Variants in CCDC40 observed in about 807,000 individuals in gnomAD.
The protein encoded by CCDC40 is coiled-coil domain-containing protein 40.
A neutral mutation model predicts 124.5 loss-of-function variants in CCDC40; 104 were observed. The ratio of observed to expected loss-of-function variants is 0.84; its 90% confidence interval spans 0.71 to 0.98. CCDC40 has a LOEUF of 0.98. CCDC40 is among the 50% of genes least tolerant of loss of function. The pLI, the probability that CCDC40 is intolerant of heterozygous loss-of-function variation, is 0.00. For missense variants in CCDC40, 1,463 were observed against 1,503.9 expected (o/e 0.97, Z 0.45); for synonymous variants, 580 against 602.9 (o/e 0.96, Z 0.56).
intron 17 of CCDC40, chr17:80,090,486 C>A: frequency 6.6e-7 from 1 of 1,511,550 alleles, no homozygotes; most frequent in Non-Finnish European, 8.8e-7. Context: ...CACACAAGCA[C>A]GTGCATGTCA....
chr17:80,087,654 A>G lies in CCDC40; in HGVS notation c.2497A>G (p.Met833Val), dbSNP rs376911979. ...KKEQKEIEHH[M>V]KDLDNDLKKL... Reference sequence around the variant, plus strand: ...GGAGCAGAAGGAGATCGAGCACCACATGAAGGACCTGGACAACGACCTGAA... The same window carrying G: ...GGAGCAGAAGGAGATCGAGCACCACGTGAAGGACCTGGACAACGACCTGAA... The change falls in exon 15 of 20, where the codon ATG becomes GTG. Residue 833 changes from methionine (M) to valine (V), a missense_variant. Physicochemically the swap from Met to Val is conservative, Grantham distance 21. Transcript: ENST00000397545. The surrounding 1 kb of genome is among the most constrained non-coding windows in gnomAD (Gnocchi z 4.5). The G allele has an allele frequency of 4.1e-5, 66 of 1,614,130 alleles. No homozygotes were observed. In the South Asian group the frequency reaches 6.6e-4, roughly 16 times the overall value.
intron 12 of CCDC40, among the ~76,000 whole-genome samples, chr17:80,082,872 G>A (rs904530661): frequency 5.3e-5 from 8 of 152,206 alleles, no homozygotes; most frequent in African/African-American, 9.6e-5. Context: ...CAACACATTC[G>A]TCTATTACGA....
At chr17:80,085,039 T>G (rs1598539056) in intron 13 of CCDC40, 51 bp downstream of exon 13, 1 of 1,603,894 alleles carries the variant, frequency 6.2e-7, no homozygotes, top group Non-Finnish European at 8.5e-7. Context: ...TGGTGCCTGG[T>G]GGGGCAGAGC....
chr17:80,056,010 A>ATTTTT (rs1326886577), intron 7 of CCDC40, among the ~76,000 whole-genome samples: 740 of 13,680 alleles, frequency 0.054, 71 homozygotes, highest in Middle Eastern at 0.12. Flanking sequence ...ATATATATAT[A>ATTTTT]TATATATTTT....
rs569414260 is a variant in CCDC40 at position 80,087,534 on chromosome 17, G to C, written c.2450-73G>C. 15 of 1,265,110 alleles carry C rather than the reference G, an allele frequency of 1.2e-5. No individual in the cohort carries two copies. The highest frequency in any genetic ancestry group is 1.8e-5 in the Admixed American group (1 of 54,992). 78.4% of individuals were successfully genotyped at this position (1,265,110 alleles called of 1,614,324 possible). On this transcript the variant is annotated intron_variant, in intron 14 of 19. Transcript: ENST00000397545. The surrounding 1 kb of genome is among the most constrained non-coding windows in gnomAD (Gnocchi z 4.5). The stretch of plus-strand genomic sequence containing the variant: ...AGAGACAAAACCTGGCTCACCTCTC[G>C]GACACTGCTGCCTGCGGGCGAGGAC...
Position 80,039,833 on chromosome 17 carries a change from G to GA in CCDC40, c.116dup (p.Asp39GlufsTer6). 6.2e-7 allele frequency: 1 copy of GA among 1,613,914 alleles called. No homozygotes were observed. Among genetic ancestry groups the GA allele is most frequent in the Non-Finnish European group, 8.5e-7 (1 of 1,179,916 alleles). ...ACAGGTGTCACCACCAGAGAAGGAT[G>GA]ATGGCCAGAAAGGTGAAGAAGCTGT... On this transcript the variant is annotated frameshift_variant, in exon 3 of 20. Transcript: ENST00000397545. LOFTEE classifies it high-confidence loss of function.
rs2038062124 is a variant in CCDC40 at position 80,066,971 on chromosome 17, A to T, written c.1562+1365A>T. On this transcript the variant is annotated intron_variant, in intron 10 of 19. Coordinates refer to ENST00000397545, the MANE Select transcript of CCDC40 (RefSeq NM_017950.4). This position sits in a 1 kb window ranked among gnomAD's most constrained non-coding sequence, Gnocchi z 4.4. ...AACACCAGGACGAGAGGACTTGGCC[A>T]TCTGCCCACTTGGGTGTCTTTTTCC... is the stretch of plus-strand genomic sequence containing the variant. 6.6e-6 allele frequency: 1 copy of T among 152,614 alleles called. No homozygotes were observed. The highest frequency in any genetic ancestry group is 2.4e-5 in the African/African-American group (1 of 41,452). The allele number at this position is 152,614 out of a possible 1,614,324, so 9.5% of individuals were successfully genotyped here. A position where few individuals can be genotyped will look rare whatever the true frequency, so the allele number is the denominator to read the frequency against.
Position 80,086,581 on chromosome 17 carries a change from C to T in CCDC40, c.2449+365C>T. On this transcript the variant is annotated intron_variant, in intron 14 of 19. Transcript: ENST00000397545. The surrounding 1 kb of genome is among the most constrained non-coding windows in gnomAD (Gnocchi z 5.5). ...CTGCCAGGCAGGCTCCTGGTGCTGTCCCCACATCACCTCCAGTTGGGCTTA... is the reference window on the plus strand; with the variant it reads ...CTGCCAGGCAGGCTCCTGGTGCTGTTCCCACATCACCTCCAGTTGGGCTTA... The T allele has an allele frequency of 3.2e-6, 1 of 315,006 alleles. No homozygotes were observed. The highest frequency in any genetic ancestry group is 6.1e-6 in the Non-Finnish European group (1 of 162,818). The allele number at this position is 315,006 out of a possible 1,614,324, so 19.5% of individuals were successfully genotyped here.
intron 10 of CCDC40, among the ~76,000 whole-genome samples, chr17:80,081,172 C>A: frequency 6.6e-6 from 1 of 152,090 alleles, no homozygotes; most frequent in East Asian, 1.9e-4. Flanking sequence ...TGCTTGAGCT[C>A]AGGAGTTGGA....
chr17:80,067,899 C>T, intron 10 of CCDC40: 1 of 1,351,156 alleles, frequency 7.4e-7, no homozygotes, highest in Non-Finnish European at 9.5e-7. Flanking sequence ...CGTGCATGCG[C>T]AGAATGTTGA....
At chr17:80,099,384 G>A (rs2038872318) in intron 19 of CCDC40, 143 bp from the exon 20 acceptor site, 6 of 915,848 alleles carry the variant, frequency 6.6e-6, no homozygotes, top group Non-Finnish European at 8.7e-6. Context: ...AGATCCAGGG[G>A]CGCAACACCT....
chr17:80,037,651 A>G (rs2037122128), intron 1 of CCDC40, among the ~76,000 whole-genome samples: 1 of 142,722 alleles, frequency 7.0e-6, no homozygotes, highest in African/African-American at 2.6e-5. Flanking sequence ...TATTCCTTTG[A>G]CAGATAAAAA....
chr17:80,065,595 G>A lies in CCDC40; in HGVS notation c.1551G>A (p.Leu517=), dbSNP rs772139879. 6.2e-7 allele frequency: 1 copy of A among 1,612,586 alleles called. No individual in the cohort carries two copies. Among genetic ancestry groups the A allele is most frequent in the Non-Finnish European group, 8.5e-7 (1 of 1,179,904 alleles). Residue 517 remains leucine, a synonymous_variant, in exon 10 of 20, where the codon CTG becomes CTA. Transcript: ENST00000397545. ...KHRDEAHRAV[L]EALRGCQHQA... is the part of the protein sequence containing the mutation. ...GCGACGAGGCGCACAGGGCGGTGCTGGAGGCGCTCAGGTACTGCAGGGCCA... is the reference window on the plus strand; with the variant it reads ...GCGACGAGGCGCACAGGGCGGTGCTAGAGGCGCTCAGGTACTGCAGGGCCA...
chr17:80,068,114 A>G lies in CCDC40; in HGVS notation c.1562+2508A>G, dbSNP rs183955468. On this transcript the variant is annotated intron_variant, in intron 10 of 19. Coordinates refer to ENST00000397545, the MANE Select transcript of CCDC40 (RefSeq NM_017950.4). ...AGTGGCACCATCTCTGCTCACTGCG[A>G]CCTCCGCCTCCTGGGTTCAAGCGAT... is the stretch of plus-strand genomic sequence containing the variant. The G allele has an allele frequency of 5.0e-5, 19 of 383,590 alleles. No homozygotes were observed. In the Admixed American group the frequency reaches 1.2e-3, roughly 25 times the overall value. The allele number at this position is 383,590 out of a possible 1,614,324, so 23.8% of individuals were successfully genotyped here.
intron 10 of CCDC40, among the ~76,000 whole-genome samples, chr17:80,072,385 G>A (rs62074557): frequency 0.026 from 3,925 of 152,284 alleles, 78 homozygotes; most frequent in Non-Finnish European, 0.036. Flanking sequence ...AGACTCATTA[G>A]CATGTCAGCA....
At chr17:80,067,838 G>T in intron 10 of CCDC40, 2 of 1,423,480 alleles carry the variant, frequency 1.4e-6, no homozygotes, top group East Asian at 5.0e-5. Context: ...CACACTTCAG[G>T]ACTGTGCCAA....
At chr17:80,081,387 A>AAAATAAATAAACAAATAAAT (rs145614390) in intron 10 of CCDC40, 159 bp from the exon 11 acceptor site, 1 of 343,784 alleles carries the variant, frequency 2.9e-6, no homozygotes, top group African/African-American at 2.3e-5. Context: ...TCTGTCTCAA[A>AAAATAAATAAACAAATAAAT]AAATAAATAA....
At chr17:80,081,402 A>ATAAATAAATAAATAAG in intron 10 of CCDC40, 144 bp from the exon 11 acceptor site, 1 of 573,580 alleles carries the variant, frequency 1.7e-6, no homozygotes, top group Non-Finnish European at 3.0e-6. Flanking sequence ...AAATAAATAA[A>ATAAATAAATAAATAAG]TAAATAAATA....
At chr17:80,081,242 G>A (rs1483339631) in intron 10 of CCDC40, among the ~76,000 whole-genome samples, 1 of 151,974 alleles carries the variant, frequency 6.6e-6, no homozygotes, top group African/African-American at 2.4e-5. Context: ...AAAATTAGCC[G>A]GGCATGGTGG....
Sources: allele counts gnomAD v4.1 joint callset (sites outside exome capture counted in the v4.1 genomes callset), GRCh38; gene constraint gnomAD v4.1.1; non-coding constraint Gnocchi (gnomAD v3.1); transcripts MANE v1.5; gene names NCBI Gene and HGNC (gene_info 2026-07-23, HGNC 2026-07-21).